The following FRMD4B variants were observed in gnomAD, a reference collection of about 807,000 sequenced individuals.
The protein encoded by FRMD4B is FERM domain-containing protein 4B.
Under a neutral mutation model 141.5 loss-of-function variants are expected in FRMD4B, and 74 were observed. That is an observed-to-expected ratio of 0.52 (90% confidence interval 0.43 to 0.63). FRMD4B has a LOEUF of 0.63. Among genes scored for constraint, FRMD4B ranks in the 30% least tolerant of loss-of-function variants. FRMD4B has a pLI of 0.00. For missense variants in FRMD4B, 1,366 were observed against 1,253.4 expected, an observed-to-expected ratio of 1.09 and a Z score of -1.36; for synonymous variants, 506 against 467.9, an observed-to-expected ratio of 1.08 and a Z score of -1.05.
chr3:69,504,493 A>G (rs1300914104), intron 1 of FRMD4B, among the ~76,000 whole-genome samples: 1 of 152,170 alleles, frequency 6.6e-6, no homozygotes, highest in East Asian at 1.9e-4. Flanking sequence ...TCCCAGACCC[A>G]GGCGACCTCC....
intron 5 of FRMD4B, among the ~76,000 whole-genome samples, chr3:69,283,163 C>A (rs1223518963): frequency 6.6e-6 from 1 of 151,876 alleles, no homozygotes; most frequent in Non-Finnish European, 1.5e-5. Flanking sequence ...GTGGGTGAAT[C>A]ACTTGAGGTC....
At chr3:69,450,010 C>G (rs1705470241) in intron 1 of FRMD4B, among the ~76,000 whole-genome samples, 2 of 151,102 alleles carry the variant, frequency 1.3e-5, no homozygotes, top group South Asian at 4.1e-4. Flanking sequence ...GCCTCAGTTT[C>G]CCTGCCAGTA....
intron 21 of FRMD4B, among the ~76,000 whole-genome samples, chr3:69,180,272 C>T (rs920110011): frequency 7.3e-6 from 1 of 136,906 alleles, no homozygotes; most frequent in Non-Finnish European, 1.5e-5. Flanking sequence ...AAAAAAAAAG[C>T]AAATTACTTA....
chr3:69,260,781 ACT>A (rs1337451661), intron 5 of FRMD4B, among the ~76,000 whole-genome samples: 1 of 152,190 alleles, frequency 6.6e-6, no homozygotes, highest in Non-Finnish European at 1.5e-5. Flanking sequence ...AACAATCAGC[ACT>A]CTGTGTCTAG....
intron 1 of FRMD4B, among the ~76,000 whole-genome samples, chr3:69,509,535 A>G (rs1273845235): frequency 1.3e-5 from 2 of 152,172 alleles, no homozygotes; most frequent in Non-Finnish European, 2.9e-5. Context: ...AGACCTCTAA[A>G]GAAGCATTTG....
At chr3:69,289,333 A>C (rs540743252) in intron 4 of FRMD4B, among the ~76,000 whole-genome samples, 36 of 152,226 alleles carry the variant, frequency 2.4e-4, no homozygotes, top group Non-Finnish European at 4.7e-4. Context: ...CAGTTCTTTC[A>C]ATTTATCAGG....
chr3:69,385,031 C>A (rs927981247), intron 1 of FRMD4B, among the ~76,000 whole-genome samples: 1 of 151,076 alleles, frequency 6.6e-6, no homozygotes. Flanking sequence ...TATTAACAAC[C>A]AAAGCACAGA....
At chr3:69,288,469 C>T (rs991845766) in intron 4 of FRMD4B, among the ~76,000 whole-genome samples, 5 of 152,280 alleles carry the variant, frequency 3.3e-5, no homozygotes, top group Non-Finnish European at 7.3e-5. Flanking sequence ...CTGGGCCTCA[C>T]TGCCCCACTC....
At chr3:69,438,907 T>C (rs920451988) in intron 1 of FRMD4B, among the ~76,000 whole-genome samples, 2 of 152,198 alleles carry the variant, frequency 1.3e-5, no homozygotes, top group African/African-American at 4.8e-5. Context: ...TTGTTTTTCA[T>C]ATTTTTTCAC....
intron 11 of FRMD4B, among the ~76,000 whole-genome samples, chr3:69,201,864 A>G (rs924888302): frequency 6.6e-6 from 1 of 152,148 alleles, no homozygotes; most frequent in Non-Finnish European, 1.5e-5. Context: ...TTATCTTAGA[A>G]GATAAATAAA....
intron 1 of FRMD4B, among the ~76,000 whole-genome samples, chr3:69,460,201 G>T (rs12053845): frequency 6.6e-6 from 1 of 151,948 alleles, no homozygotes; most frequent in Non-Finnish European, 1.5e-5. Flanking sequence ...AAGGGAAGGC[G>T]TTCTGGCATG....
intron 19 of FRMD4B, among the ~76,000 whole-genome samples, chr3:69,185,429 T>G (rs1325440642): frequency 6.6e-6 from 1 of 152,222 alleles, no homozygotes; most frequent in East Asian, 1.9e-4. Context: ...TAATTTCCTT[T>G]ATTTAAATTT....
intron 11 of FRMD4B, among the ~76,000 whole-genome samples, chr3:69,213,387 C>G (rs1380971801): frequency 1.4e-5 from 2 of 144,108 alleles, no homozygotes; most frequent in African/African-American, 5.1e-5. Flanking sequence ...AAAAAAAAAG[C>G]TAACAATAAA....
At position 69,427,643 on chromosome 3, in the gene FRMD4B, G is replaced by GTTTTTTTTTTTTTTTTTTTTTT. The variant is rs774316609; in HGVS notation, c.-1+4969_-1+4990dup. Reference sequence around the variant, plus strand: ...GTGTTTAGTAAGAAGCTAGGTAAATGTTTTTTTTTTTTTTTTTTTTTTTTT... The same window carrying GTTTTTTTTTTTTTTTTTTTTTT: ...GTGTTTAGTAAGAAGCTAGGTAAATGTTTTTTTTTTTTTTTTTTTTTTTTTTTTTTTTTTTTTTTTTTTTTTT... On this transcript the variant is annotated intron_variant, in intron 2 of 5. Coordinates refer to the FRMD4B transcript ENST00000459638. 1.7e-4 allele frequency among the ~76,000 whole-genome samples: 6 copies of GTTTTTTTTTTTTTTTTTTTTTT among 36,238 alleles called. 2 individuals carry two copies. Among genetic ancestry groups the GTTTTTTTTTTTTTTTTTTTTTT allele is most frequent in the Non-Finnish European group, 2.6e-4 (5 of 19,572 alleles). 23.8% of individuals were successfully genotyped at this position (36,238 alleles called of 152,430 possible). A position where few individuals can be genotyped will look rare whatever the true frequency, so the allele number is the denominator to read the frequency against.
At chr3:69,282,926 C>T (rs2093650695) in intron 5 of FRMD4B, among the ~76,000 whole-genome samples, 1 of 152,056 alleles carries the variant, frequency 6.6e-6, no homozygotes, top group African/African-American at 2.4e-5. Flanking sequence ...TGTGAGCTAC[C>T]ACACCCAGCC....
intron 1 of FRMD4B, among the ~76,000 whole-genome samples, chr3:69,343,032 C>T (rs1702790175): frequency 6.6e-6 from 1 of 152,172 alleles, no homozygotes; most frequent in Admixed American, 6.5e-5. Context: ...TAGCTCGCTG[C>T]AGCCTCGGAC....
Position 69,476,037 on chromosome 3 carries a change from C to A in FRMD4B, c.-128-43276G>T, listed in dbSNP as rs1197427989. Among the ~76,000 whole-genome samples the A allele has an allele frequency of 2.0e-5, 3 of 151,334 alleles. No individual in the cohort carries two copies. The East Asian group carries it at 5.8e-4, about 29-fold the overall frequency. The stretch of plus-strand genomic sequence containing the variant: ...GAACTGTCTGTTCATGTCCTTCACC[C>A]ACTTTTTGATGGGGTTGTTTTTTTC... On this transcript the variant is annotated intron_variant, in intron 1 of 5. Coordinates refer to the FRMD4B transcript ENST00000459638.
intron 3 of FRMD4B, among the ~76,000 whole-genome samples, chr3:69,303,808 C>T (rs969634820): frequency 3.3e-5 from 5 of 152,080 alleles, no homozygotes; most frequent in African/African-American, 1.2e-4. Context: ...GTGGTGCATG[C>T]CTGTTGTCCC....
In FRMD4B at chr3:69,216,301, C is replaced by T; in HGVS notation, c.838G>A (p.Gly280Ser). 6.3e-7 allele frequency: 1 copy of T among 1,579,836 alleles called. No individual in the cohort carries two copies. The highest frequency in any genetic ancestry group is 8.6e-7 in the Non-Finnish European group (1 of 1,157,758). The part of the protein sequence containing the change: ...WWLGISYKGI[G>S]QYDIQDKVKP... Reference sequence around the variant, plus strand: ...ACCTTGTCTTGTATATCATATTGGCCAATTCCCTTATAGCTTATTCCAAGC... The same window carrying T: ...ACCTTGTCTTGTATATCATATTGGCTAATTCCCTTATAGCTTATTCCAAGC... Residue 280 changes from glycine to serine, a missense_variant, in exon 11 of 23, where the codon GGC becomes AGC. Gly to Ser is a moderately conservative substitution (Grantham distance 56). Transcript: ENST00000398540.
Sources: allele counts gnomAD v4.1 joint callset (sites outside exome capture counted in the v4.1 genomes callset), GRCh38; gene constraint gnomAD v4.1.1; transcripts MANE v1.5; gene names NCBI Gene and HGNC (gene_info 2026-07-23, HGNC 2026-07-21).